The following ANKHD1 variants were observed in gnomAD, a reference collection of about 807,000 sequenced individuals.
ANKHD1 encodes ankyrin repeat and KH domain-containing protein 1.
Under a neutral mutation model 230.5 loss-of-function variants are expected in ANKHD1, and 31 were observed. The ratio of observed to expected loss-of-function variants is 0.13; its 90% CI spans 0.10 to 0.18. The LOEUF is 0.18. Ranked by LOEUF, ANKHD1 falls within the 10% of genes least tolerant of loss-of-function variation. The pLI, the probability that ANKHD1 is intolerant of heterozygous loss-of-function variation, is 1.00. For synonymous variants in ANKHD1, 1,074 were observed against 1,117.6 expected (o/e 0.96, Z 0.78); for missense variants, 2,256 against 3,071.3 (o/e 0.73, Z 6.27).
intron 4 of ANKHD1, 115 bp from the exon 5 acceptor site, chr5:140,440,880 G>T: frequency 7.8e-7 from 1 of 1,284,010 alleles, no homozygotes; most frequent in South Asian, 2.8e-5. Flanking sequence ...GGTCATTATT[G>T]ATTTTTTCCC....
Position 140,466,661 on chromosome 5 carries a change from A to G in ANKHD1, c.1782+1885A>G, listed in dbSNP as rs1776112101. Among the ~76,000 whole-genome samples, 3 of 151,962 alleles carry G rather than the reference A, an allele frequency of 2.0e-5. No individual in the cohort carries two copies. The South Asian group carries it at 6.2e-4, about 31-fold the overall frequency. ...AAATGTAAGATTAAAAATGGCCCAG[A>G]TAGGCCAGGCGCAGTGGCTCACGCA... On this transcript the variant is annotated intron_variant, in intron 10 of 33. Coordinates refer to ENST00000360839, the MANE Select transcript of ANKHD1 (RefSeq NM_017747.3).
At chr5:140,437,576 C>G (rs1773546307) in intron 2 of ANKHD1, among the ~76,000 whole-genome samples, 1 of 152,148 alleles carries the variant, frequency 6.6e-6, no homozygotes, top group East Asian at 1.9e-4. Context: ...CGTGGCGGCG[C>G]ACCCCTGTAA....
At chr5:140,415,727 C>G (rs1055193851) in intron 1 of ANKHD1, among the ~76,000 whole-genome samples, 1 of 151,470 alleles carries the variant, frequency 6.6e-6, no homozygotes, top group African/African-American at 2.4e-5. Context: ...CCTCAGCCAC[C>G]GCACCCAGCC....
intron 6 of ANKHD1, 25 bp downstream of exon 6, chr5:140,446,000 TATA>T (rs1581256524): frequency 1.3e-6 from 2 of 1,537,854 alleles, no homozygotes; most frequent in South Asian, 1.3e-5. Context: ...TATGAATATT[TATA>T]ATGTTTTTCG....
In ANKHD1 at chr5:140,528,802, C is replaced by T. The variant is rs750341563; in HGVS notation, c.5856C>T (p.Thr1952=). The stretch of plus-strand genomic sequence containing the variant: ...GTCAGCAACTGTGTGTCACTAATAC[C>T]CGGACTCCTTCATCAGTCAGAAAGC... ...AASQQLCVTN[T]RTPSSVRKQL... is the part of the protein sequence containing the mutation. The change falls in exon 29 of 34, where the codon ACC becomes ACT. Residue 1952 remains threonine (T), a synonymous_variant. Transcript: ENST00000360839. The T allele has an allele frequency of 3.1e-6, 5 of 1,614,042 alleles. No homozygotes were observed. The Admixed American group carries it at 8.3e-5, about 27-fold the overall frequency.
chr5:140,529,319 C>G lies in ANKHD1; in HGVS notation c.6373C>G (p.Gln2125Glu). The change falls in exon 29 of 34, where the codon CAG becomes GAG. Residue 2125 changes from glutamine (Q) to glutamate (E), a missense_variant. Transcript: ENST00000360839. Reference sequence around the variant, plus strand: ...TAATCAGGACACCAGTAATTTACCTCAGTTAGCTGTACCAGCACCTCGAGT... The same window carrying G: ...TAATCAGGACACCAGTAATTTACCTGAGTTAGCTGTACCAGCACCTCGAGT... ...ADNQDTSNLPQLAVPAPRVSH... is the reference protein window; with the variant it reads ...ADNQDTSNLPELAVPAPRVSH... 6.2e-7 allele frequency: 1 copy of G among 1,614,212 alleles called. No homozygotes were observed. The highest frequency in any genetic ancestry group is 8.5e-7 in the Non-Finnish European group (1 of 1,180,044).
chr5:140,494,451 A>G (rs1355944148), intron 14 of ANKHD1, among the ~76,000 whole-genome samples: 4 of 152,176 alleles, frequency 2.6e-5, no homozygotes, highest in African/African-American at 4.8e-5. Flanking sequence ...TTAAAATTAT[A>G]TATATATAAA....
intron 10 of ANKHD1, chr5:140,472,213 G>A (rs755308492): frequency 3.7e-6 from 6 of 1,606,052 alleles, no homozygotes; most frequent in East Asian, 2.2e-5. Flanking sequence ...AATAAGATCC[G>A]TGAGTTCTTC....
chr5:140,433,966 T>A (rs921404238), intron 1 of ANKHD1, among the ~76,000 whole-genome samples: 6 of 152,246 alleles, frequency 3.9e-5, no homozygotes, highest in African/African-American at 1.4e-4. Context: ...TGCATTTATC[T>A]ATTGGATCTG....
intron 22 of ANKHD1, among the ~76,000 whole-genome samples, chr5:140,510,749 A>AT (rs1288958820): frequency 3.3e-5 from 5 of 152,214 alleles, no homozygotes; most frequent in South Asian, 2.1e-4. Flanking sequence ...ATGCAGATGG[A>AT]TTTTTTTGTG....
At chr5:140,427,682 G>A (rs1704608772) in intron 1 of ANKHD1, among the ~76,000 whole-genome samples, 1 of 148,030 alleles carries the variant, frequency 6.8e-6, no homozygotes, top group Non-Finnish European at 1.5e-5. Flanking sequence ...CGGGGCGGCC[G>A]GCCAGGCAGA....
rs62385232 is a variant in ANKHD1, at chr5:140,482,180, A to G, written c.1783-400A>G. On this transcript the variant is annotated intron_variant, in intron 10 of 33. Transcript: ENST00000360839. ...CAGGGAATCATTTGCATCCTTTGATAGTGCTTTTATTGGCTTCTGCTATAA... is the reference window on the plus strand; with the variant it reads ...CAGGGAATCATTTGCATCCTTTGATGGTGCTTTTATTGGCTTCTGCTATAA... Among the ~76,000 whole-genome samples, 677 of 152,250 alleles carry G rather than the reference A, an allele frequency of 4.4e-3. 3 individuals are homozygous for G. Among genetic ancestry groups the G allele is most frequent in the Non-Finnish European group, 4.8e-3 (326 of 67,968 alleles).
At chr5:140,453,569 A>G (rs765570325) in intron 7 of ANKHD1, among the ~76,000 whole-genome samples, 3 of 152,352 alleles carry the variant, frequency 2.0e-5, no homozygotes, top group African/African-American at 4.8e-5. Flanking sequence ...CAACATTCTT[A>G]AAGAAAAGAA....
At chr5:140,475,874 G>A (rs1040278365) in intron 10 of ANKHD1, among the ~76,000 whole-genome samples, 6 of 152,096 alleles carry the variant, frequency 3.9e-5, no homozygotes, top group Non-Finnish European at 5.9e-5. Flanking sequence ...GCTGGAGAGC[G>A]AATCTTTATC....
chr5:140,536,157 G>A (rs951557352), intron 30 of ANKHD1, among the ~76,000 whole-genome samples: 4 of 152,162 alleles, frequency 2.6e-5, no homozygotes, highest in Admixed American at 2.6e-4. Flanking sequence ...GCAGTGGCAC[G>A]ATCTTGGTTC....
chr5:140,514,109 C>T (rs1013064725), intron 24 of ANKHD1, among the ~76,000 whole-genome samples: 1 of 151,226 alleles, frequency 6.6e-6, no homozygotes, highest in African/African-American at 2.4e-5. Flanking sequence ...CACTTGAGTC[C>T]AGGAGTTCGA....
At chr5:140,421,296 CTTTTTT>C (rs35408466) in intron 1 of ANKHD1, among the ~76,000 whole-genome samples, 1 of 94,526 alleles carries the variant, frequency 1.1e-5, no homozygotes, top group Admixed American at 1.3e-4. Flanking sequence ...AGAGTTTTTA[CTTTTTT>C]TTTTTTTTTT....
chr5:140,502,156 T>A (rs1202055844), intron 15 of ANKHD1, among the ~76,000 whole-genome samples: 1 of 152,248 alleles, frequency 6.6e-6, no homozygotes, highest in Non-Finnish European at 1.5e-5. Flanking sequence ...AGGAAATATT[T>A]TAGAATTTAT....
At chr5:140,537,143 C>A in intron 30 of ANKHD1, 1 of 429,006 alleles carries the variant, frequency 2.3e-6, no homozygotes, top group Non-Finnish European at 3.5e-6. Flanking sequence ...ATTTTTTAGA[C>A]TGTTGTATAC....
Sources: gnomAD v4.1 joint callset for allele counts (sites outside exome capture counted in the v4.1 genomes callset) on GRCh38, gnomAD v4.1.1 for gene constraint, MANE v1.5 for transcripts, NCBI Gene and HGNC (gene_info 2026-07-23, HGNC 2026-07-21) for gene names.